Variants in ALG13 observed in about 807,000 individuals in gnomAD.
ALG13 encodes ALG13 UDP-N-acetylglucosaminyltransferase subunit, also known as UDP-N-acetylglucosamine transferase subunit ALG13.
ALG13 carries 11 observed loss-of-function variants against 87.8 expected under a neutral mutation model. The ratio of observed to expected loss-of-function variants is 0.13; its 90% CI spans 0.08 to 0.21. The LOEUF is 0.21. Ranked by LOEUF, ALG13 falls within the 10% of genes least tolerant of loss-of-function variation. ALG13 has a pLI of 1.00. For missense variants in ALG13, 756 were observed against 866.1 expected (o/e 0.87, Z 1.60); for synonymous variants, 320 against 306.3 (o/e 1.04, Z -0.47).
At chrX:111,710,699 CATTT>C (rs1431419719) in intron 5 of ALG13, among the ~76,000 whole-genome samples, 2 of 111,521 alleles carry the variant, frequency 1.8e-5, no homozygotes, top group East Asian at 5.7e-4. Flanking sequence ...TATTGTATGT[CATTT>C]ATTTATTTTT....
rs143059350 is a variant in ALG13 at position 111,696,916 on chromosome X, G to A, written c.384-11111G>A. ...TAATTCCATTAGGGATGGGGAAACAGGATATGGACCCATATTAGAACTTTG... is the reference window on the plus strand; with the variant it reads ...TAATTCCATTAGGGATGGGGAAACAAGATATGGACCCATATTAGAACTTTG... On this transcript the variant is annotated intron_variant, in intron 3 of 26. Coordinates refer to ENST00000394780, the MANE Select transcript of ALG13 (RefSeq NM_001099922.3). Among the ~76,000 whole-genome samples, 800 of 109,310 alleles carry A rather than the reference G, an allele frequency of 7.3e-3. 19 individuals carry two copies. Among genetic ancestry groups the A allele is most frequent in the South Asian group, 0.021 (52 of 2,515 alleles). The allele number at this position is 109,310 out of a possible 115,157, so 94.9% of individuals were successfully genotyped here. A position where few individuals can be genotyped will look rare whatever the true frequency, so the allele number is the denominator to read the frequency against.
At chrX:111,724,198 AGCCTCT>A (rs1243345580) in intron 14 of ALG13, among the ~76,000 whole-genome samples, 1 of 112,239 alleles carries the variant, frequency 8.9e-6, no homozygotes, top group African/African-American at 3.2e-5. Context: ...TTAATAACTG[AGCCTCT>A]GCCAGCATGA....
At position 111,744,771 on chromosome X, in the gene ALG13, T is replaced by A. The variant is rs13440710; in HGVS notation, c.2799T>A (p.Pro933=). 1,312 of 261,538 alleles carry A rather than the reference T, an allele frequency of 5.0e-3. No individual in the cohort carries two copies. The highest frequency in any genetic ancestry group is 0.034 in the East Asian group (193 of 5,655). The allele number at this position is 261,538 out of a possible 1,213,427, so 21.6% of individuals were successfully genotyped here. A position where few individuals can be genotyped will look rare whatever the true frequency, so the allele number is the denominator to read the frequency against. The change falls in exon 24 of 27, where the codon CCT becomes CCA. Residue 933 remains proline, a synonymous_variant. Coordinates refer to ENST00000394780, the MANE Select transcript of ALG13 (RefSeq NM_001099922.3). ...PPPPPPPPPP[P]PPPPPPPPPP... is the part of the protein sequence containing the mutation. ...CACCACCACCACCACCACCACCACC[T>A]CCTCCTCCTCCTCCTCCTCCTCCTC...
intron 24 of ALG13, among the ~76,000 whole-genome samples, chrX:111,751,090 A>G (rs1292281013): frequency 1.1e-5 from 1 of 88,578 alleles, no homozygotes; most frequent in Non-Finnish European, 2.2e-5. Flanking sequence ...TTTTTTTTGC[A>G]ACGGAGTCTT....
intron 3 of ALG13, among the ~76,000 whole-genome samples, chrX:111,698,713 T>A (rs757186984): frequency 2.7e-5 from 3 of 112,201 alleles, no homozygotes; most frequent in African/African-American, 9.7e-5. Flanking sequence ...AAACACTGAA[T>A]AGCATTCCAT....
chrX:111,694,107 G>A (rs767786934), intron 3 of ALG13, among the ~76,000 whole-genome samples: 2 of 109,454 alleles, frequency 1.8e-5, no homozygotes, highest in African/African-American at 6.7e-5. Context: ...GCAGTGGCGC[G>A]GTCTCTGCTC....
chrX:111,735,916 T>C (rs771335091), intron 22 of ALG13, among the ~76,000 whole-genome samples: 1 of 110,497 alleles, frequency 9.1e-6, no homozygotes, highest in Non-Finnish European at 1.9e-5. Flanking sequence ...GAAAAATAGT[T>C]TATTCTCTTA....
At chrX:111,738,987 A>G (rs1256361979) in intron 23 of ALG13, among the ~76,000 whole-genome samples, 2 of 112,285 alleles carry the variant, frequency 1.8e-5, no homozygotes, top group Non-Finnish European at 3.8e-5. Flanking sequence ...TAAAGGAACA[A>G]AATAATACTA....
At chrX:111,697,682 T>C (rs371337172) in intron 3 of ALG13, among the ~76,000 whole-genome samples, 3 of 112,451 alleles carry the variant, frequency 2.7e-5, no homozygotes, top group African/African-American at 9.7e-5. Context: ...CTCTTTAAAA[T>C]ATCCTATTGT....
chrX:111,755,128 C>T (rs1414992800), intron 25 of ALG13, among the ~76,000 whole-genome samples: 1 of 111,727 alleles, frequency 9.0e-6, no homozygotes, highest in Non-Finnish European at 1.9e-5. Context: ...TAACACCACA[C>T]ATCTACAACC....
chrX:111,728,206 A>G lies in ALG13; in HGVS notation c.2269A>G (p.Met757Val), dbSNP rs1451116623. The change falls in exon 19 of 27, where the codon ATG becomes GTG. Residue 757 changes from methionine to valine, a missense_variant. Met to Val is a conservative substitution (Grantham distance 21). Around this residue, in one of 9 missense-constraint regions of ALG13, gnomAD observed 362 missense variants for 383.5 expected, o/e 0.94. Transcript: ENST00000394780. ...TLPNHGGPST[M>V]VPATSGYCVG... ...ACAGAATCATGGAGGTCCCTCTACA[A>G]TGGTTCCTGCTACTTCAGGATACTG... 39 of 1,209,667 alleles carry G rather than the reference A, an allele frequency of 3.2e-5. 1 individual carries two copies. The Admixed American group carries it at 7.0e-4, about 22-fold the overall frequency.
At chrX:111,690,215 T>C (rs1935886731) in intron 3 of ALG13, 3 of 753,066 alleles carry the variant, frequency 4.0e-6, no homozygotes, top group Non-Finnish European at 4.7e-6. Context: ...TTTCATTACA[T>C]GACAGAGCTG....
rs758632567 is a variant in ALG13, at chrX:111,744,811, C to T, written c.2839C>T (p.Leu947Phe). 8.4e-6 allele frequency: 9 copies of T among 1,073,049 alleles called. No individual in the cohort carries two copies. Among genetic ancestry groups the T allele is most frequent in the African/African-American group, 2.0e-5 (1 of 49,370 alleles). The allele number at this position is 1,073,049 out of a possible 1,213,427, so 88.4% of individuals were successfully genotyped here. A position where few individuals can be genotyped will look rare whatever the true frequency, so the allele number is the denominator to read the frequency against. ...TCCTCCTCCTCCTCCTCCTCCTGCTCTTGATGTGGGAGAGACTTCAAACTT... is the reference window on the plus strand; with the variant it reads ...TCCTCCTCCTCCTCCTCCTCCTGCTTTTGATGTGGGAGAGACTTCAAACTT... ...PPPPPPPPPA[L>F]DVGETSNLQP... The change falls in exon 24 of 27, where the codon CTT becomes TTT. Residue 947 changes from leucine (L) to phenylalanine (F), a missense_variant. Transcript: ENST00000394780.
intron 8 of ALG13, among the ~76,000 whole-genome samples, chrX:111,713,515 A>C (rs979889852): frequency 9.0e-6 from 1 of 111,546 alleles, no homozygotes; most frequent in South Asian, 3.8e-4. Flanking sequence ...GAAAAAAGCC[A>C]CCCCAAACCC....
chrX:111,700,054 T>C (rs1387243734), intron 3 of ALG13, among the ~76,000 whole-genome samples: 7 of 104,663 alleles, frequency 6.7e-5, no homozygotes, highest in Non-Finnish European at 1.4e-4. Context: ...TTTTTTTTTT[T>C]CAGTTTTTTT....
chrX:111,727,421 A>G lies in ALG13; in HGVS notation c.2066A>G (p.Tyr689Cys), dbSNP rs1470650822. Residue 689 changes from tyrosine to cysteine, a missense_variant, in exon 17 of 27, where the codon TAT (tyrosine) becomes TGT (cysteine). This residue lies in a region of ALG13 where 362 missense variants were observed against 383.5 expected (regional missense o/e 0.94). Coordinates refer to ENST00000394780, the MANE Select transcript of ALG13 (RefSeq NM_001099922.3). Reference sequence around the variant, plus strand: ...CCAGGTAAAAGGTGCTGCCAGAGCTATGATAACTTCTCTTATAGATCTCGG... The same window carrying G: ...CCAGGTAAAAGGTGCTGCCAGAGCTGTGATAACTTCTCTTATAGATCTCGG... ...PGPGKRCCQS[Y>C]DNFSYRSRSF... 3 of 1,207,677 alleles carry G rather than the reference A, an allele frequency of 2.5e-6. No individual in the cohort carries two copies. Among genetic ancestry groups the G allele is most frequent in the East Asian group, 3.0e-5 (1 of 33,800 alleles).
At chrX:111,699,844 A>G (rs931820933) in intron 3 of ALG13, among the ~76,000 whole-genome samples, 1 of 110,624 alleles carries the variant, frequency 9.0e-6, no homozygotes, top group Non-Finnish European at 1.9e-5. Flanking sequence ...TTTTTACTGA[A>G]GATTATTTTG....
chrX:111,756,981 A>G (rs1345323042), intron 25 of ALG13, among the ~76,000 whole-genome samples: 3 of 112,012 alleles, frequency 2.7e-5, no homozygotes, highest in Admixed American at 1.9e-4. Context: ...TACATCATAG[A>G]ATACCAGGAG....
In ALG13 at chrX:111,708,305, C is replaced by T. The variant is rs1602636547; in HGVS notation, c.662C>T (p.Ser221Leu). The change falls in exon 4 of 27, where the codon TCA (serine) becomes TTA (leucine). Residue 221 changes from serine (S) to leucine (L), a missense_variant. Coordinates refer to ENST00000394780, the MANE Select transcript of ALG13 (RefSeq NM_001099922.3). ...AGCCAGAAGTCTTTGAATGAGGCAT[C>T]AATGGATGAATATTTAGGCAGCTTA... ...YCSQKSLNEA[S>L]MDEYLGSLGL... 1.7e-6 allele frequency: 2 copies of T among 1,211,502 alleles called. No individual in the cohort carries two copies. Among genetic ancestry groups the T allele is most frequent in the Non-Finnish European group, 1.1e-6 (1 of 895,309 alleles).
Sources: gnomAD v4.1 joint callset for allele counts (sites outside exome capture counted in the v4.1 genomes callset) on GRCh38, gnomAD v4.1.1 for gene constraint, gnomAD v4.1.1 regional missense constraint, MANE v1.5 for transcripts, NCBI Gene and HGNC (gene_info 2026-07-23, HGNC 2026-07-21) for gene names.